The following DOCK3 variants were observed in gnomAD, a reference collection of about 807,000 sequenced individuals.
DOCK3 encodes the protein dedicator of cytokinesis 3.
Under a neutral mutation model 265.6 loss-of-function variants are expected in DOCK3, and 60 were observed. That is an observed-to-expected ratio of 0.23 (90% confidence interval 0.18 to 0.28). DOCK3 has a LOEUF of 0.28. Ranked by LOEUF, DOCK3 falls within the 10% of genes least tolerant of loss-of-function variation. DOCK3 has a pLI of 1.00. For synonymous variants in DOCK3, 881 were observed against 938.0 expected (o/e 0.94, Z 1.11); for missense variants, 1,981 against 2,594.3 (o/e 0.76, Z 5.14).
intron 2 of DOCK3, among the ~76,000 whole-genome samples, chr3:50,812,074 G>A (rs1465054300): frequency 6.6e-6 from 1 of 152,232 alleles, no homozygotes; most frequent in Non-Finnish European, 1.5e-5. Flanking sequence ...TGGTGGCGGT[G>A]AAACTTGCCA....
intron 5 of DOCK3, among the ~76,000 whole-genome samples, chr3:50,981,347 T>G (rs2108552316): frequency 6.6e-6 from 1 of 152,300 alleles, no homozygotes; most frequent in East Asian, 1.9e-4. Context: ...TTTTTAAAAT[T>G]TTGTTGAAAT....
chr3:50,688,531 C>T (rs375903476), intron 1 of DOCK3, among the ~76,000 whole-genome samples: 2 of 152,122 alleles, frequency 1.3e-5, no homozygotes, highest in East Asian at 1.9e-4. Context: ...GGTGCAATCT[C>T]GGCTCGCTGC....
intron 21 of DOCK3, among the ~76,000 whole-genome samples, chr3:51,245,027 T>A (rs1277185786): frequency 2.6e-5 from 4 of 152,178 alleles, no homozygotes; most frequent in Admixed American, 6.5e-5. Context: ...AAACACAGGT[T>A]ATCTAAGACC....
chr3:50,969,374 G>T (rs1003533363), intron 5 of DOCK3, among the ~76,000 whole-genome samples: 5 of 152,012 alleles, frequency 3.3e-5, no homozygotes, highest in African/African-American at 1.2e-4. Flanking sequence ...GTCTTTACAA[G>T]TTAGATGGGT....
chr3:51,042,415 G>A (rs2080570670), intron 5 of DOCK3, among the ~76,000 whole-genome samples: 1 of 152,116 alleles, frequency 6.6e-6, no homozygotes, highest in Non-Finnish European at 1.5e-5. Context: ...AATAAACTAG[G>A]TATTGAAAGA....
rs2079901495 is a variant in DOCK3 at position 51,262,352 on chromosome 3, CAGAA to C, written c.2355+2029_2355+2032del. Among the ~76,000 whole-genome samples the C allele has an allele frequency of 2.0e-5, 3 of 152,162 alleles. No homozygotes were observed. The South Asian group carries it at 6.2e-4, about 32-fold the overall frequency. On this transcript the variant is annotated intron_variant, in intron 23 of 52. Coordinates refer to ENST00000266037, the MANE Select transcript of DOCK3 (RefSeq NM_004947.5). ...GACTGTTAGAAGAAAAACTAACAAA[CAGAA>C]AGGAATAGCATCAACATCAACAAAA... is the stretch of plus-strand genomic sequence containing the variant.
chr3:50,870,298 G>A (rs967980254), intron 3 of DOCK3, among the ~76,000 whole-genome samples: 9 of 152,076 alleles, frequency 5.9e-5, no homozygotes, highest in Admixed American at 4.6e-4. Context: ...GTTCTCCAGT[G>A]TTGGTTGCAC....
At chr3:51,260,986 A>G (rs552089241) in intron 23 of DOCK3, among the ~76,000 whole-genome samples, 2 of 152,246 alleles carry the variant, frequency 1.3e-5, no homozygotes, top group Admixed American at 1.3e-4. Context: ...TCTGTCTCCA[A>G]AAAGAAAAAG....
At chr3:51,221,816 A>G (rs1326587364) in intron 14 of DOCK3, among the ~76,000 whole-genome samples, 4 of 152,154 alleles carry the variant, frequency 2.6e-5, no homozygotes, top group Non-Finnish European at 4.4e-5. Flanking sequence ...CCTAAAGGAG[A>G]GACCCGTCAT....
intron 22 of DOCK3, among the ~76,000 whole-genome samples, chr3:51,253,959 C>T (rs541286866): frequency 6.6e-6 from 1 of 152,074 alleles, no homozygotes; most frequent in African/African-American, 2.4e-5. Flanking sequence ...TTGTGATGTT[C>T]GGGTGTCAAT....
At chr3:51,373,953 CCAGGTGAGAA>C (rs2087885549) in intron 49 of DOCK3, among the ~76,000 whole-genome samples, 1 of 152,156 alleles carries the variant, frequency 6.6e-6, no homozygotes, top group African/African-American at 2.4e-5. Flanking sequence ...CGGTAGGGAG[CCAGGTGAGAA>C]CAGGGCCAGT....
chr3:51,310,403 G>C, intron 28 of DOCK3, 77 bp downstream of exon 28: 1 of 1,293,102 alleles, frequency 7.7e-7, no homozygotes, highest in South Asian at 1.3e-5. Context: ...TTCAGAGAGG[G>C]AGCACATGAG....
chr3:50,947,270 A>G (rs1173200544), intron 5 of DOCK3, among the ~76,000 whole-genome samples: 2 of 152,312 alleles, frequency 1.3e-5, no homozygotes, highest in Admixed American at 6.5e-5. Flanking sequence ...CACACCAGAC[A>G]TAGTCAACTT....
At chr3:51,113,603 C>A (rs7640263) in intron 9 of DOCK3, among the ~76,000 whole-genome samples, 137,030 of 152,172 alleles carry the variant, frequency 0.9, 61,880 homozygotes, top group African/African-American at 0.95. Context: ...TCATAAGACA[C>A]TGAGACACTG....
chr3:50,741,381 G>A (rs1306303029), intron 1 of DOCK3, among the ~76,000 whole-genome samples: 11 of 148,812 alleles, frequency 7.4e-5, no homozygotes, highest in South Asian at 2.1e-4. Flanking sequence ...CCACTAACTC[G>A]TCATTTAGCA....
At chr3:51,284,554 G>A (rs574378366) in intron 27 of DOCK3, among the ~76,000 whole-genome samples, 2 of 152,300 alleles carry the variant, frequency 1.3e-5, no homozygotes, top group South Asian at 4.2e-4. Context: ...GTGCAGAAAA[G>A]GGGCAGGAAC....
chr3:50,822,947 A>G (rs950490689), intron 2 of DOCK3, among the ~76,000 whole-genome samples: 2 of 152,330 alleles, frequency 1.3e-5, no homozygotes, highest in East Asian at 3.9e-4. Context: ...TTGTAGCTAT[A>G]AAGACTTCAT....
intron 5 of DOCK3, among the ~76,000 whole-genome samples, chr3:50,959,636 G>A (rs1303097802): frequency 6.6e-6 from 1 of 151,816 alleles, no homozygotes; most frequent in African/African-American, 2.4e-5. Flanking sequence ...CTGGAGTGCA[G>A]TGGCAAGATC....
intron 12 of DOCK3, among the ~76,000 whole-genome samples, chr3:51,205,191 T>C (rs1188103246): frequency 2.7e-5 from 4 of 149,872 alleles, no homozygotes; most frequent in African/African-American, 9.8e-5. Flanking sequence ...AATAAATAAA[T>C]ACAGTGAAAA....
Sources: allele counts gnomAD v4.1 joint callset (sites outside exome capture counted in the v4.1 genomes callset), GRCh38; gene constraint gnomAD v4.1.1; transcripts MANE v1.5; gene names NCBI Gene and HGNC (gene_info 2026-07-23, HGNC 2026-07-21).